ADK: variants seen among roughly 807,000 people sequenced by gnomAD.
ADK encodes N6,N6-dimethyladenosine kinase.
In ADK, 24 loss-of-function variants were observed where a neutral mutation model predicts 44.7. That is an observed-to-expected ratio of 0.54 (90% CI 0.39 to 0.76). ADK has a LOEUF of 0.76. ADK is among the 30% of genes least tolerant of loss of function. The probability of loss-of-function intolerance (pLI) is 0.00; values close to 1 mark genes in which losing one functional copy is unlikely to be tolerated. For synonymous variants in ADK, 128 were observed against 142.6 expected (o/e 0.90, Z 0.73); for missense variants, 321 against 425.1 (o/e 0.76, Z 2.15).
chr10:74,373,211 C>A (rs904096337), intron 4 of ADK, among the ~76,000 whole-genome samples: 1 of 151,746 alleles, frequency 6.6e-6, no homozygotes, highest in Non-Finnish European at 1.5e-5. Context: ...AAACTGCAAC[C>A]GTTAGAAGAC....
At position 74,508,846 on chromosome 10, in the gene ADK, G is replaced by A. The variant is rs141822333; in HGVS notation, c.556-16410G>A. On this transcript the variant is annotated intron_variant, in intron 6 of 10. Transcript: ENST00000539909. ...TGTTATTTTAGATGCATGCATATGT[G>A]TTTAAATTATACATAATATATAAAA... Among the ~76,000 whole-genome samples, 719 of 152,126 alleles carry A rather than the reference G, an allele frequency of 4.7e-3. 7 individuals are homozygous for A. The highest frequency in any genetic ancestry group is 0.017 in the African/African-American group (686 of 41,502).
In ADK at chr10:74,272,271, A is replaced by T. The variant is rs577197252; in HGVS notation, c.195-42396A>T. Among the ~76,000 whole-genome samples the T allele has an allele frequency of 3.3e-5, 5 of 151,940 alleles. No individual in the cohort carries two copies. The East Asian group carries it at 7.7e-4, about 23-fold the overall frequency. ...ACTGTGTGATGAAAACATTACAGAT[A>T]TGTTCTTGCTCTCTTTTTTTTTTTG... is the stretch of plus-strand genomic sequence containing the variant. On this transcript the variant is annotated intron_variant, in intron 3 of 10. Transcript: ENST00000539909.
At chr10:74,176,931 G>A (rs1237811526) in intron 1 of ADK, 1 of 1,606,480 alleles carries the variant, frequency 6.2e-7, no homozygotes, top group Non-Finnish European at 8.5e-7. Flanking sequence ...CTGGGCGTTA[G>A]CCTCCCGAGC....
At chr10:74,347,106 C>CAAAAAAAAAAAAAAAAAAAAAAA (rs58074760) in intron 4 of ADK, among the ~76,000 whole-genome samples, 1 of 92,348 alleles carries the variant, frequency 1.1e-5, no homozygotes, top group African/African-American at 6.9e-5. Context: ...CACTCTGTCT[C>CAAAAAAAAAAAAAAAAAAAAAAA]AAAAAAAAAA....
chr10:74,151,857 A>G (rs993227879), intron 1 of ADK, among the ~76,000 whole-genome samples: 1 of 152,086 alleles, frequency 6.6e-6, no homozygotes, highest in African/African-American at 2.4e-5. Context: ...AGGGACCCAG[A>G]CCCCTCCGAT....
chr10:74,363,846 C>T (rs766100082), intron 4 of ADK, among the ~76,000 whole-genome samples: 2 of 152,058 alleles, frequency 1.3e-5, no homozygotes, highest in Admixed American at 1.3e-4. Context: ...TGGAGGTTGG[C>T]GTGCCTGTCT....
chr10:74,632,049 A>G (rs971549141), intron 9 of ADK, among the ~76,000 whole-genome samples: 6 of 152,168 alleles, frequency 3.9e-5, no homozygotes, highest in Non-Finnish European at 7.3e-5. Flanking sequence ...AGGTTGTGCA[A>G]CCGTGACCAC....
intron 3 of ADK, among the ~76,000 whole-genome samples, chr10:74,302,104 TGTTTG>T (rs1564642266): frequency 1.4e-3 from 32 of 22,536 alleles, no homozygotes; most frequent in African/African-American, 5.8e-3. Flanking sequence ...TTTTTTTGTT[TGTTTG>T]TTTTTTTTTT....
At chr10:74,607,298 G>T (rs770197533) in intron 9 of ADK, among the ~76,000 whole-genome samples, 1 of 152,108 alleles carries the variant, frequency 6.6e-6, no homozygotes, top group Admixed American at 6.5e-5. Context: ...TATTTTGCCC[G>T]TTAGTTGATG....
intron 3 of ADK, among the ~76,000 whole-genome samples, chr10:74,297,240 A>T (rs951298992): frequency 1.3e-5 from 2 of 152,204 alleles, no homozygotes; most frequent in African/African-American, 4.8e-5. Context: ...TGTTGTATTT[A>T]TGGAGTTGGA....
At chr10:74,351,430 G>C (rs1841960300) in intron 4 of ADK, among the ~76,000 whole-genome samples, 1 of 152,064 alleles carries the variant, frequency 6.6e-6, no homozygotes, top group South Asian at 2.1e-4. Context: ...CAAAATATAA[G>C]GGCTATTTAT....
At chr10:74,391,202 A>G (rs530511884) in intron 4 of ADK, among the ~76,000 whole-genome samples, 1 of 152,012 alleles carries the variant, frequency 6.6e-6, no homozygotes, top group African/African-American at 2.4e-5. Context: ...TATTTGCATT[A>G]TTTTTTCTAT....
intron 10 of ADK, among the ~76,000 whole-genome samples, chr10:74,685,762 G>A (rs1288902337): frequency 6.6e-6 from 1 of 152,128 alleles, no homozygotes; most frequent in African/African-American, 2.4e-5. Context: ...GCATGTGAGA[G>A]AGCTCGTTGG....
At chr10:74,368,260 C>T (rs1275231792) in intron 4 of ADK, among the ~76,000 whole-genome samples, 1 of 151,986 alleles carries the variant, frequency 6.6e-6, no homozygotes, top group Non-Finnish European at 1.5e-5. Flanking sequence ...GCTACAGGCA[C>T]ATGTCACCAT....
rs1845444133 is a variant in ADK, at chr10:74,442,314, T to G, written c.555+43735T>G. Among the ~76,000 whole-genome samples, 5 of 152,238 alleles carry G rather than the reference T, an allele frequency of 3.3e-5. No individual in the cohort carries two copies. The South Asian group carries it at 1.0e-3, about 32-fold the overall frequency. Reference sequence around the variant, plus strand: ...ACGAAAGTTCCTTTAAAAACAGAACTACTATATAATCCAACAATCTCATTT... The same window carrying G: ...ACGAAAGTTCCTTTAAAAACAGAACGACTATATAATCCAACAATCTCATTT... On this transcript the variant is annotated intron_variant, in intron 6 of 10. Coordinates refer to ENST00000539909, the MANE Select transcript of ADK (RefSeq NM_006721.4).
intron 4 of ADK, among the ~76,000 whole-genome samples, chr10:74,343,892 G>A (rs1181552609): frequency 6.6e-6 from 1 of 152,174 alleles, no homozygotes; most frequent in Non-Finnish European, 1.5e-5. Flanking sequence ...ACAGGCGTGA[G>A]CAACCATGCC....
At chr10:74,708,298 G>GTT (rs747070795) in intron 10 of ADK, 23 bp from the exon 11 acceptor site, 316 of 1,584,540 alleles carry the variant, frequency 2.0e-4, no homozygotes, top group South Asian at 3.9e-4. Flanking sequence ...ATACTCATGT[G>GTT]TTTTTTTTTG....
At chr10:74,374,003 T>C (rs1842747724) in intron 4 of ADK, among the ~76,000 whole-genome samples, 2 of 152,064 alleles carry the variant, frequency 1.3e-5, no homozygotes. Flanking sequence ...TTTGAAAATA[T>C]CGTGCTAAAT....
intron 3 of ADK, among the ~76,000 whole-genome samples, chr10:74,287,982 CAAAAA>C (rs367569110): frequency 4.4e-5 from 3 of 68,622 alleles, no homozygotes; most frequent in African/African-American, 5.0e-5. Flanking sequence ...GACCCTGTCT[CAAAAA>C]AAAAAAAAAA....
Sources: gnomAD v4.1 joint callset for allele counts (sites outside exome capture counted in the v4.1 genomes callset) on GRCh38, gnomAD v4.1.1 for gene constraint, MANE v1.5 for transcripts, NCBI Gene and HGNC (gene_info 2026-07-23, HGNC 2026-07-21) for gene names.